PDS5B: variants seen among roughly 807,000 people sequenced by gnomAD.
PDS5B encodes PDS5 cohesin associated factor B.
Under a neutral mutation model 184.1 loss-of-function variants are expected in PDS5B, and 51 were observed. The ratio of observed to expected loss-of-function variants is 0.28; its 90% CI spans 0.22 to 0.35. PDS5B has a LOEUF of 0.35. Ranked by LOEUF, PDS5B falls within the 10% of genes least tolerant of loss-of-function variation. The probability of loss-of-function intolerance (pLI) is 1.00; values close to 1 mark genes in which losing one functional copy is unlikely to be tolerated. For missense variants in PDS5B, 1,180 were observed against 1,723.3 expected, an observed-to-expected ratio of 0.68 and a Z score of 5.58; for synonymous variants, 566 against 569.2, an observed-to-expected ratio of 0.99 and a Z score of 0.08.
chr13:32,723,913 A>G (rs541649287), intron 19 of PDS5B, among the ~76,000 whole-genome samples: 1 of 152,210 alleles, frequency 6.6e-6, no homozygotes, highest in Non-Finnish European at 1.5e-5. Flanking sequence ...TAGGGAGAAT[A>G]CAAATCCCCA....
At chr13:32,738,016 A>G (rs1027373973) in intron 21 of PDS5B, among the ~76,000 whole-genome samples, 2 of 152,146 alleles carry the variant, frequency 1.3e-5, no homozygotes, top group African/African-American at 4.8e-5. Context: ...ATCACTCCAC[A>G]TTTGTTTCTA....
At chr13:32,691,618 A>G (rs764515899) in intron 13 of PDS5B, among the ~76,000 whole-genome samples, 2 of 152,076 alleles carry the variant, frequency 1.3e-5, no homozygotes, top group Non-Finnish European at 2.9e-5. Context: ...TCCCTCCTTC[A>G]GAGATAGTTA....
At chr13:32,758,698 T>G in intron 28 of PDS5B, 45 bp downstream of exon 28, 5 of 1,582,930 alleles carry the variant, frequency 3.2e-6, no homozygotes, top group Non-Finnish European at 4.3e-6. Flanking sequence ...ATAAAATGTA[T>G]TCTCAGCACT....
chr13:32,628,604 A>AT (rs201681931), intron 1 of PDS5B, among the ~76,000 whole-genome samples: 29 of 149,416 alleles, frequency 1.9e-4, no homozygotes, highest in South Asian at 1.7e-3. Context: ...AATTATGTAG[A>AT]TTTTTTTTTG....
chr13:32,731,499 C>A (rs1269783689), intron 19 of PDS5B, among the ~76,000 whole-genome samples: 1 of 149,264 alleles, frequency 6.7e-6, no homozygotes, highest in Non-Finnish European at 1.5e-5. Context: ...TATTTCTATC[C>A]TCCATCTTTA....
chr13:32,678,859 C>G lies in PDS5B; in HGVS notation c.987C>G (p.Ile329Met), dbSNP rs575047428. 6.2e-7 allele frequency: 1 copy of G among 1,605,660 alleles called. No individual in the cohort carries two copies. Among genetic ancestry groups the G allele is most frequent in the East Asian group, 2.2e-5 (1 of 44,808 alleles). ...LGRFNDIHVP[I>M]RLECVKFASH... ...GGTTTAATGATATCCATGTACCAAT[C>G]CGCCTGGAATGTGTGAAATTTGCTA... Residue 329 changes from isoleucine to methionine, a missense_variant, in exon 10 of 35, where the codon ATC becomes ATG. This residue lies in a region of PDS5B where 475 missense variants were observed against 691.5 expected (regional missense o/e 0.69). Coordinates refer to ENST00000315596, the MANE Select transcript of PDS5B (RefSeq NM_015032.4).
At chr13:32,616,196 G>T (rs2058216834) in intron 1 of PDS5B, among the ~76,000 whole-genome samples, 1 of 151,838 alleles carries the variant, frequency 6.6e-6, no homozygotes, top group Non-Finnish European at 1.5e-5. Flanking sequence ...TGGGATTACA[G>T]GCACCCGCCA....
intron 8 of PDS5B, 47 bp downstream of exon 8, chr13:32,673,403 A>G (rs772748811): frequency 1.3e-6 from 2 of 1,501,256 alleles, no homozygotes; most frequent in South Asian, 1.2e-5. Context: ...TTATTAGCAA[A>G]GAGCATTATT....
At position 32,755,188 on chromosome 13, in the gene PDS5B, A is replaced by G. The variant is rs570289654; in HGVS notation, c.2942-654A>G. 2.0e-5 allele frequency among the ~76,000 whole-genome samples: 3 copies of G among 152,350 alleles called. 1 individual carries two copies. In the South Asian group the frequency reaches 6.2e-4, roughly 32 times the overall value. ...AATATAAATGGAAATTGTCCAGAATATGAGTCCCAGTCTATGTGTACCCCT... is the reference window on the plus strand; with the variant it reads ...AATATAAATGGAAATTGTCCAGAATGTGAGTCCCAGTCTATGTGTACCCCT... On this transcript the variant is annotated intron_variant, in intron 25 of 34. Transcript: ENST00000315596.
chr13:32,731,226 A>G (rs945347188), intron 19 of PDS5B, among the ~76,000 whole-genome samples: 4 of 152,104 alleles, frequency 2.6e-5, no homozygotes, highest in Non-Finnish European at 4.4e-5. Flanking sequence ...TCTTAGTGTG[A>G]TAAGCACTGG....
intron 6 of PDS5B, among the ~76,000 whole-genome samples, chr13:32,665,225 C>T (rs1292821180): frequency 6.6e-6 from 1 of 152,062 alleles, no homozygotes; most frequent in Non-Finnish European, 1.5e-5. Context: ...TTAGACCATA[C>T]ATAAGAATAA....
At position 32,636,140 on chromosome 13, in the gene PDS5B, C is replaced by T. The variant is rs552299366; in HGVS notation, c.-19-12614C>T. On this transcript the variant is annotated intron_variant, in intron 1 of 34. Transcript: ENST00000315596. The stretch of plus-strand genomic sequence containing the variant: ...TGAAGTAAAAACGAGAAAACTTGAC[C>T]TCTTGTCATTGCTCTGCCACTTACT... Among the ~76,000 whole-genome samples, 26 of 152,274 alleles carry T rather than the reference C, an allele frequency of 1.7e-4. No individual in the cohort carries two copies. The South Asian group carries it at 4.4e-3, about 26-fold the overall frequency.
intron 13 of PDS5B, among the ~76,000 whole-genome samples, chr13:32,691,866 AT>A (rs1951560215): frequency 6.6e-6 from 1 of 151,900 alleles, no homozygotes; most frequent in South Asian, 2.1e-4. Context: ...AGACATTTAA[AT>A]TTTTCCTAAT....
At chr13:32,706,413 A>G (rs764883026) in intron 17 of PDS5B, among the ~76,000 whole-genome samples, 45 of 152,116 alleles carry the variant, frequency 3.0e-4, no homozygotes, top group Admixed American at 5.9e-4. Context: ...TGATGTTCTA[A>G]TGAGGTTTTA....
At chr13:32,674,214 A>T (rs1951009764) in intron 8 of PDS5B, among the ~76,000 whole-genome samples, 1 of 152,230 alleles carries the variant, frequency 6.6e-6, no homozygotes, top group South Asian at 2.1e-4. Flanking sequence ...TCAAATCATT[A>T]CAATAAAATT....
rs759929528 is a variant in PDS5B at position 32,735,217 on chromosome 13, A to G, written c.2293A>G (p.Thr765Ala). 1 of 1,610,998 alleles carries G rather than the reference A, an allele frequency of 6.2e-7. No individual in the cohort carries two copies. The highest frequency in any genetic ancestry group is 8.5e-7 in the Non-Finnish European group (1 of 1,178,360). ...LDPSNLEHLI[T>A]PLVTIGHIAL... Reference sequence around the variant, plus strand: ...TCCAAGCAACCTGGAACATCTCATAACACCATTGGTTACTATTGGTCATAT... The same window carrying G: ...TCCAAGCAACCTGGAACATCTCATAGCACCATTGGTTACTATTGGTCATAT... The change falls in exon 21 of 35, where the codon ACA (threonine) becomes GCA (alanine). Residue 765 changes from threonine to alanine, a missense_variant. Physicochemically the swap from Thr to Ala is moderately conservative, Grantham distance 58 (BLOSUM62 0). Coordinates refer to ENST00000315596, the MANE Select transcript of PDS5B (RefSeq NM_015032.4).
chr13:32,665,576 G>C (rs1176402996), intron 6 of PDS5B, among the ~76,000 whole-genome samples: 2 of 102,234 alleles, frequency 2.0e-5, no homozygotes, highest in South Asian at 6.9e-4. Context: ...GCGACAGAGC[G>C]AGACTCCGAC....
intron 1 of PDS5B, among the ~76,000 whole-genome samples, chr13:32,611,504 T>C (rs938379363): frequency 7.0e-5 from 2 of 28,752 alleles, no homozygotes; most frequent in African/African-American, 2.4e-4. Context: ...TGGTTAAAAC[T>C]TTTTTTTTTT....
At chr13:32,729,493 C>G (rs1390953258) in intron 19 of PDS5B, among the ~76,000 whole-genome samples, 1 of 152,152 alleles carries the variant, frequency 6.6e-6, no homozygotes, top group African/African-American at 2.4e-5. Context: ...AGTGGTATTT[C>G]TAGTTCCAGA....
Sources: allele counts gnomAD v4.1 joint callset (sites outside exome capture counted in the v4.1 genomes callset), GRCh38; gene constraint gnomAD v4.1.1; regional missense constraint gnomAD v4.1.1; transcripts MANE v1.5; gene names NCBI Gene and HGNC (gene_info 2026-07-23, HGNC 2026-07-21).